The following GREB1L variants were observed in gnomAD, a reference collection of about 807,000 sequenced individuals.
GREB1L encodes the protein GREB1-like protein.
A neutral mutation model predicts 200.8 loss-of-function variants in GREB1L; 17 were observed. The ratio of observed to expected loss-of-function variants is 0.08; its 90% confidence interval spans 0.06 to 0.13. The LOEUF is 0.13. Among genes scored for constraint, GREB1L ranks in the 10% least tolerant of loss-of-function variants. The pLI is 1.00. For missense variants in GREB1L, 1,657 were observed against 2,367.7 expected (o/e 0.70, Z 6.23); for synonymous variants, 789 against 893.0 (o/e 0.88, Z 2.08).
At chr18:21,468,281 TCACACAAGATTG>T (rs1390378148) in intron 15 of GREB1L, among the ~76,000 whole-genome samples, 1 of 152,142 alleles carries the variant, frequency 6.6e-6, no homozygotes, top group Admixed American at 6.5e-5. Flanking sequence ...AAGAAGCCAA[TCACACAAGATTG>T]CATCTTGTAC....
intron 1 of GREB1L, among the ~76,000 whole-genome samples, chr18:21,284,283 C>T (rs574131100): frequency 5.3e-5 from 8 of 152,264 alleles, no homozygotes; most frequent in East Asian, 3.9e-4. Flanking sequence ...AATTTTAGAA[C>T]GTTTTTATCA....
Position 21,395,574 on chromosome 18 carries a change from T to C in GREB1L, c.532+13T>C, listed in dbSNP as rs1214811817. The C allele has an allele frequency of 1.3e-6, 2 of 1,525,434 alleles. No homozygotes were observed. Among genetic ancestry groups the C allele is most frequent in the Non-Finnish European group, 1.8e-6 (2 of 1,134,130 alleles). The allele number at this position is 1,525,434 out of a possible 1,614,324, so 94.5% of individuals were successfully genotyped here. A position where few individuals can be genotyped will look rare whatever the true frequency, so the allele number is the denominator to read the frequency against. The stretch of plus-strand genomic sequence containing the variant: ...AATGCACTTTTAGGTGAGTGTTTCA[T>C]GCTTATAAAATTCCTTCCAATATGA... On this transcript the variant is annotated intron_variant, in intron 5 of 32. Transcript: ENST00000424526.
At chr18:21,468,737 G>C in intron 15 of GREB1L, 2 of 456,568 alleles carry the variant, frequency 4.4e-6, no homozygotes, top group Non-Finnish European at 8.8e-6. Context: ...TTCCAGTCCA[G>C]GTTCACACAT....
chr18:21,475,095 C>T (rs1054685871), intron 16 of GREB1L, among the ~76,000 whole-genome samples: 12 of 152,164 alleles, frequency 7.9e-5, no homozygotes, highest in African/African-American at 2.9e-4. Context: ...GTTTTAAGAG[C>T]TTTGTGGAAC....
At chr18:21,253,470 C>T (rs1371477457) in intron 1 of GREB1L, among the ~76,000 whole-genome samples, 3 of 151,942 alleles carry the variant, frequency 2.0e-5, no homozygotes, top group East Asian at 1.9e-4. Context: ...AGGCTGGCCT[C>T]GAACTCCTGA....
At chr18:21,278,770 G>A (rs577141621) in intron 1 of GREB1L, among the ~76,000 whole-genome samples, 45 of 152,196 alleles carry the variant, frequency 3.0e-4, no homozygotes, top group African/African-American at 1.0e-3. Flanking sequence ...GAAAAGATAT[G>A]TATGCCAAAC....
chr18:21,346,188 A>G (rs543537542), intron 1 of GREB1L, among the ~76,000 whole-genome samples: 1 of 152,094 alleles, frequency 6.6e-6, no homozygotes, highest in East Asian at 1.9e-4. Context: ...ACTAATTCCC[A>G]CTGATTTCAT....
At chr18:21,438,960 C>CAAAAAAAAA (rs59125788) in intron 7 of GREB1L, among the ~76,000 whole-genome samples, 1 of 64,662 alleles carries the variant, frequency 1.5e-5, no homozygotes, top group African/African-American at 4.8e-5. Context: ...GACTCTGTCT[C>CAAAAAAAAA]AAAAAAAAAA....
intron 29 of GREB1L, among the ~76,000 whole-genome samples, chr18:21,516,124 C>T (rs1342665041): frequency 6.6e-6 from 1 of 152,056 alleles, no homozygotes; most frequent in Non-Finnish European, 1.5e-5. Context: ...GCAGGGTAGC[C>T]ATGGCCTTGC....
chr18:21,388,832 G>A (rs1253744391), intron 4 of GREB1L, among the ~76,000 whole-genome samples: 2 of 152,040 alleles, frequency 1.3e-5, no homozygotes, highest in Non-Finnish European at 2.9e-5. Flanking sequence ...TATTGTAGGA[G>A]ACCCCCCTAT....
chr18:21,369,618 T>A (rs1187515294), intron 2 of GREB1L, among the ~76,000 whole-genome samples: 3 of 152,146 alleles, frequency 2.0e-5, no homozygotes, highest in East Asian at 1.9e-4. Flanking sequence ...TCTAAAAAAA[T>A]TTAATATATA....
At chr18:21,481,435 A>G (rs973621122) in intron 17 of GREB1L, among the ~76,000 whole-genome samples, 2 of 124,374 alleles carry the variant, frequency 1.6e-5, no homozygotes, top group Non-Finnish European at 3.2e-5. Flanking sequence ...AACAGTATAT[A>G]TGTATGTGTG....
rs1207721271 is a variant in GREB1L at position 21,444,427 on chromosome 18, A to T, written c.1393+18A>T. ...GCGGCTGGGTAAGTCATTTTCCATA[A>T]TCATTTGCTGGTGACTACTTTTGAG... On this transcript the variant is annotated intron_variant, in intron 11 of 32. Coordinates refer to ENST00000424526, the MANE Select transcript of GREB1L (RefSeq NM_001142966.3). 6.5e-7 allele frequency: 1 copy of T among 1,540,576 alleles called. No individual in the cohort carries two copies. The highest frequency in any genetic ancestry group is 1.2e-5 in the South Asian group (1 of 82,788).
At chr18:21,438,794 T>TA (rs1000908860) in intron 7 of GREB1L, among the ~76,000 whole-genome samples, 41 of 149,450 alleles carry the variant, frequency 2.7e-4, no homozygotes, top group East Asian at 1.6e-3. Context: ...CCATCTCTAC[T>TA]AAAAAAAATA....
intron 2 of GREB1L, among the ~76,000 whole-genome samples, chr18:21,367,125 C>T (rs2039706677): frequency 6.6e-6 from 1 of 152,174 alleles, no homozygotes; most frequent in Admixed American, 6.5e-5. Context: ...GTCAGTGAGA[C>T]ACCATGGGGT....
intron 2 of GREB1L, among the ~76,000 whole-genome samples, chr18:21,376,494 C>G (rs2040077255): frequency 6.7e-6 from 1 of 149,886 alleles, no homozygotes; most frequent in Non-Finnish European, 1.5e-5. Context: ...TCTGTAGATT[C>G]TAAGACATAA....
At chr18:21,470,992 G>T (rs2145665017) in intron 15 of GREB1L, among the ~76,000 whole-genome samples, 1 of 152,306 alleles carries the variant, frequency 6.6e-6, no homozygotes, top group South Asian at 2.1e-4. Context: ...TAGCTCTGAT[G>T]TGCCTGCTGA....
intron 28 of GREB1L, 49 bp downstream of exon 28, chr18:21,514,035 A>G: frequency 2.7e-6 from 4 of 1,482,284 alleles, no homozygotes; most frequent in East Asian, 2.5e-5. Context: ...AGACAGGACA[A>G]TACATTTCTT....
chr18:21,383,615 C>G lies in GREB1L; in HGVS notation c.97C>G (p.Pro33Ala), dbSNP rs1041617291. The G allele has an allele frequency of 2.0e-5, 31 of 1,551,136 alleles. No individual in the cohort carries two copies. The African/African-American group carries it at 4.0e-4, about 20-fold the overall frequency. ...CTCCCTCAGATGTAGTAGTGTGGTA[C>G]CACGGCCAATTTTTTCCCAGCTATA... is the stretch of plus-strand genomic sequence containing the variant. ...EASLRCSSVV[P>A]RPIFSQLYLD... The change falls in exon 3 of 33, where the codon CCA becomes GCA. Residue 33 changes from proline to alanine, a missense_variant. Around this residue, in one of 9 missense-constraint regions of GREB1L, gnomAD observed 121 missense variants for 126.6 expected, o/e 0.96. Coordinates refer to ENST00000424526, the MANE Select transcript of GREB1L (RefSeq NM_001142966.3).
Sources: gnomAD v4.1 joint callset for allele counts (sites outside exome capture counted in the v4.1 genomes callset) on GRCh38, gnomAD v4.1.1 for gene constraint, gnomAD v4.1.1 regional missense constraint, MANE v1.5 for transcripts, NCBI Gene and HGNC (gene_info 2026-07-23, HGNC 2026-07-21) for gene names.